Variants in NRG1 observed in about 807,000 individuals in gnomAD.
The protein encoded by NRG1 is neuregulin 1.
A neutral mutation model predicts 63.8 loss-of-function variants in NRG1; 18 were observed. That is an observed-to-expected ratio of 0.28 (90% CI 0.19 to 0.42). NRG1 has a LOEUF of 0.42. Among genes scored for constraint, NRG1 ranks in the 10% least tolerant of loss-of-function variants. The pLI is 1.00. For synonymous variants in NRG1, 302 were observed against 301.3 expected (o/e 1.00, Z -0.02); for missense variants, 762 against 814.7 (o/e 0.94, Z 0.79).
chr8:31,964,587 C>G (rs1806010645), intron 1 of NRG1, among the ~76,000 whole-genome samples: 1 of 152,114 alleles, frequency 6.6e-6, no homozygotes, highest in African/African-American at 2.4e-5. Flanking sequence ...ATCGATTGAG[C>G]CTGGGAGGTC....
intron 6 of NRG1, chr8:32,728,399 G>A (rs1822803539): frequency 6.1e-6 from 6 of 985,232 alleles, no homozygotes; most frequent in South Asian, 4.7e-5. Context: ...TATCACAGAG[G>A]CCTATAACTT....
chr8:31,816,522 C>G (rs1013589203), intron 1 of NRG1, among the ~76,000 whole-genome samples: 1 of 152,184 alleles, frequency 6.6e-6, no homozygotes, highest in Non-Finnish European at 1.5e-5. Flanking sequence ...ATTAATGCCT[C>G]GTGACCAAGA....
chr8:31,897,937 A>T (rs1261042385), intron 1 of NRG1, among the ~76,000 whole-genome samples: 1 of 151,158 alleles, frequency 6.6e-6, no homozygotes, highest in African/African-American at 2.4e-5. Flanking sequence ...GAATCACTTG[A>T]ACCCCGGAGA....
chr8:31,650,865 G>A (rs1342837100), intron 1 of NRG1, among the ~76,000 whole-genome samples: 1 of 152,286 alleles, frequency 6.6e-6, no homozygotes, highest in Non-Finnish European at 1.5e-5. Context: ...TTTCAGCTTT[G>A]TAGTTAGTAC....
chr8:32,345,328 G>A (rs1804747945), intron 1 of NRG1, among the ~76,000 whole-genome samples: 1 of 152,108 alleles, frequency 6.6e-6, no homozygotes, highest in African/African-American at 2.4e-5. Context: ...AGCTAACTAT[G>A]TAGACTGATC....
At chr8:31,776,382 A>G (rs1054290442) in intron 1 of NRG1, among the ~76,000 whole-genome samples, 9 of 152,194 alleles carry the variant, frequency 5.9e-5, no homozygotes, top group African/African-American at 1.9e-4. Context: ...ACTTGCATTT[A>G]GATGCCCAAG....
chr8:32,255,903 G>A (rs990561138), intron 1 of NRG1, among the ~76,000 whole-genome samples: 1 of 151,954 alleles, frequency 6.6e-6, no homozygotes, highest in Non-Finnish European at 1.5e-5. Context: ...GGCTTTGTTT[G>A]TTCCTTTTCA....
intron 1 of NRG1, among the ~76,000 whole-genome samples, chr8:32,223,520 A>G (rs982453007): frequency 1.3e-5 from 2 of 152,200 alleles, no homozygotes; most frequent in African/African-American, 4.8e-5. Context: ...GGTTGAAAAT[A>G]GAGACAGTAA....
At chr8:32,415,964 G>A (rs1171426227) in intron 1 of NRG1, among the ~76,000 whole-genome samples, 1 of 152,190 alleles carries the variant, frequency 6.6e-6, no homozygotes, top group African/African-American at 2.4e-5. Context: ...CCACACTGCA[G>A]CCTTTAGTAG....
At chr8:32,416,875 AG>A (rs1380121408) in intron 1 of NRG1, among the ~76,000 whole-genome samples, 3 of 152,036 alleles carry the variant, frequency 2.0e-5, no homozygotes, top group African/African-American at 7.2e-5. Context: ...TGGTAGAGAC[AG>A]GGTTTTTCCA....
chr8:31,753,348 T>C lies in NRG1; in HGVS notation c.37+113917T>C, dbSNP rs137906919. Among the ~76,000 whole-genome samples the C allele has an allele frequency of 2.3e-3, 331 of 143,436 alleles. 2 individuals carry two copies. Among genetic ancestry groups the C allele is most frequent in the Middle Eastern group, 3.7e-3 (1 of 272 alleles). The allele number at this position is 143,436 out of a possible 152,430, so 94.1% of individuals were successfully genotyped here. On this transcript the variant is annotated intron_variant, in intron 1 of 10. Coordinates refer to the NRG1 transcript ENST00000519301. ...AAAATCAGTCATCAAAAAAAAAACC[T>C]GAGAGATGAGAAACTACAACAATTA...
chr8:32,432,496 A>G (rs1314421728), intron 1 of NRG1, among the ~76,000 whole-genome samples: 2 of 151,648 alleles, frequency 1.3e-5, no homozygotes, highest in African/African-American at 4.8e-5. Context: ...ACTTTATCAC[A>G]CCGGTTTTTG....
chr8:32,622,559 C>T (rs538025667), intron 5 of NRG1, among the ~76,000 whole-genome samples: 2 of 152,112 alleles, frequency 1.3e-5, no homozygotes, highest in East Asian at 3.9e-4. Context: ...TGTGCCACCA[C>T]ACCTGAGTAA....
exon 1 of NRG1, chr8:31,639,305 C>T: frequency 6.7e-7 from 1 of 1,481,546 alleles, no homozygotes; most frequent in Non-Finnish European, 9.1e-7. Context: ...CCCATTGCAG[C>T]ACTCGGGGCG....
At chr8:32,645,533 CT>C (rs900094185) in intron 5 of NRG1, among the ~76,000 whole-genome samples, 1 of 152,172 alleles carries the variant, frequency 6.6e-6, no homozygotes, top group African/African-American at 2.4e-5. Flanking sequence ...TGATAATATT[CT>C]TATCTCCTGC....
At chr8:31,721,687 T>A (rs1428207079) in intron 1 of NRG1, among the ~76,000 whole-genome samples, 1 of 152,158 alleles carries the variant, frequency 6.6e-6, no homozygotes, top group Admixed American at 6.5e-5. Context: ...TCTTCCTTCT[T>A]CTTACTTTTG....
intron 1 of NRG1, among the ~76,000 whole-genome samples, chr8:32,527,314 C>A (rs1363965382): frequency 6.6e-6 from 1 of 151,572 alleles, no homozygotes; most frequent in African/African-American, 2.4e-5. Context: ...CAGACACACA[C>A]CGTGGAATAC....
chr8:32,050,308 T>C (rs1821778018), intron 1 of NRG1, among the ~76,000 whole-genome samples: 1 of 152,206 alleles, frequency 6.6e-6, no homozygotes, highest in Non-Finnish European at 1.5e-5. Flanking sequence ...ACATCGTGTC[T>C]GACTTCTAGG....
chr8:31,684,677 C>G (rs78757619), intron 1 of NRG1, among the ~76,000 whole-genome samples: 549 of 152,090 alleles, frequency 3.6e-3, no homozygotes, highest in African/African-American at 0.012. Flanking sequence ...CACTAGATCA[C>G]TTTTTTTCAA....
Sources: allele counts gnomAD v4.1 joint callset (sites outside exome capture counted in the v4.1 genomes callset), GRCh38; gene constraint gnomAD v4.1.1; transcripts MANE v1.5; gene names NCBI Gene and HGNC (gene_info 2026-07-23, HGNC 2026-07-21).